SLC25A26: variants seen among roughly 807,000 people sequenced by gnomAD.
SLC25A26 encodes the protein solute carrier family 25 member 26.
SLC25A26 carries 36 observed loss-of-function variants against 37.8 expected under a neutral mutation model. The ratio of observed to expected loss-of-function variants is 0.95; its 90% CI spans 0.73 to 1.26. The LOEUF is 1.26. Among genes scored for constraint, SLC25A26 ranks in the 50% most tolerant of loss-of-function variants. The pLI is 0.00. For missense variants in SLC25A26, 390 were observed against 331.1 expected, an observed-to-expected ratio of 1.18 and a Z score of -1.38; for synonymous variants, 129 against 122.5, an observed-to-expected ratio of 1.05 and a Z score of -0.35.
intron 5 of SLC25A26, among the ~76,000 whole-genome samples, chr3:66,338,402 A>G (rs1218900998): frequency 6.6e-6 from 1 of 151,974 alleles, no homozygotes; most frequent in Non-Finnish European, 1.5e-5. Context: ...CCCACTAGCA[A>G]AGTATGAAAG....
chr3:66,148,935 AT>A (rs1441076487), intron 1 of SLC25A26, among the ~76,000 whole-genome samples: 1 of 152,162 alleles, frequency 6.6e-6, no homozygotes, highest in African/African-American at 2.4e-5. Flanking sequence ...CTTAACAATC[AT>A]TTGTCAAGGA....
chr3:66,256,172 T>A (rs2073293931), intron 3 of SLC25A26, among the ~76,000 whole-genome samples: 1 of 152,146 alleles, frequency 6.6e-6, no homozygotes, highest in African/African-American at 2.4e-5. Context: ...TTTTCTTATT[T>A]ATTTATTTTC....
At chr3:66,321,371 C>T (rs1442243833) in intron 5 of SLC25A26, among the ~76,000 whole-genome samples, 2 of 152,148 alleles carry the variant, frequency 1.3e-5, no homozygotes, top group African/African-American at 4.8e-5. Flanking sequence ...AGTGTTATCC[C>T]TTCTGGAAAG....
chr3:66,240,198 C>T (rs1336863068), intron 2 of SLC25A26, among the ~76,000 whole-genome samples: 2 of 152,200 alleles, frequency 1.3e-5, no homozygotes, highest in South Asian at 2.1e-4. Context: ...AACACCTGAA[C>T]TCACTATAAT....
chr3:66,280,727 C>T (rs1451921439), intron 5 of SLC25A26, among the ~76,000 whole-genome samples: 3 of 151,936 alleles, frequency 2.0e-5, no homozygotes, highest in Non-Finnish European at 4.4e-5. Context: ...AAAGGTAAAA[C>T]GTGTATTTTT....
intron 5 of SLC25A26, among the ~76,000 whole-genome samples, chr3:66,341,741 C>A (rs776288127): frequency 6.6e-6 from 1 of 152,132 alleles, no homozygotes; most frequent in Admixed American, 6.5e-5. Flanking sequence ...AATTCACTTT[C>A]AATTTTCCTC....
chr3:66,377,968 G>T lies in SLC25A26; in HGVS notation c.*161G>T. ...TGCCATCCGTGGTATAGGCTGGCTG[G>T]TATGAAGTCATTGGCCTGTATGCCA... On this transcript the variant is annotated 3_prime_UTR_variant, in exon 10 of 10. Transcript: ENST00000354883. 1.7e-6 allele frequency: 1 copy of T among 599,868 alleles called. No individual in the cohort carries two copies. The highest frequency in any genetic ancestry group is 2.9e-6 in the Non-Finnish European group (1 of 340,026). The allele number at this position is 599,868 out of a possible 1,614,324, so 37.2% of individuals were successfully genotyped here.
intron 1 of SLC25A26, among the ~76,000 whole-genome samples, chr3:66,189,673 T>C (rs1045061934): frequency 0.22 from 34,018 of 152,080 alleles, 4,463 homozygotes; most frequent in South Asian, 0.36. Flanking sequence ...CTTTTCTCTT[T>C]TCTTTTCAGA....
chr3:66,240,306 CT>C (rs1438268465), intron 2 of SLC25A26, among the ~76,000 whole-genome samples: 16 of 152,072 alleles, frequency 1.1e-4, no homozygotes, highest in Admixed American at 3.3e-4. Flanking sequence ...TTTTTTCCCC[CT>C]GAGACCAGGT....
chr3:66,137,256 T>A (rs987053893), intron 1 of SLC25A26, among the ~76,000 whole-genome samples: 1 of 150,370 alleles, frequency 6.7e-6, no homozygotes, highest in African/African-American at 2.5e-5. Flanking sequence ...GTTTTGCTCT[T>A]GTCGCCCGAG....
At chr3:66,258,784 G>C (rs997838646) in intron 3 of SLC25A26, among the ~76,000 whole-genome samples, 2 of 151,744 alleles carry the variant, frequency 1.3e-5, no homozygotes, top group African/African-American at 2.4e-5. Context: ...CAGGAGTTCA[G>C]GGCTAGCCTG....
intron 2 of SLC25A26, among the ~76,000 whole-genome samples, chr3:66,238,935 C>T (rs573468025): frequency 6.6e-6 from 1 of 152,114 alleles, no homozygotes. Flanking sequence ...GTTTCTGTCT[C>T]ACCTTTTTGC....
At chr3:66,269,292 C>T (rs1228486327) in intron 5 of SLC25A26, among the ~76,000 whole-genome samples, 1 of 152,152 alleles carries the variant, frequency 6.6e-6, no homozygotes, top group Non-Finnish European at 1.5e-5. Flanking sequence ...TGCATTCAGA[C>T]ATGTTGATGA....
At chr3:66,210,872 C>A (rs1047423452) in intron 1 of SLC25A26, among the ~76,000 whole-genome samples, 1 of 152,252 alleles carries the variant, frequency 6.6e-6, no homozygotes, top group African/African-American at 2.4e-5. Flanking sequence ...AGCAAGGAGA[C>A]GTGACTGGCG....
rs539207365 is a variant in SLC25A26, at chr3:66,182,716, CGGGG to C, written c.-353-38017_-353-38014del. Among the ~76,000 whole-genome samples the C allele has an allele frequency of 1.3e-3, 111 of 87,590 alleles. 5 individuals are homozygous for C. The East Asian group carries it at 0.029, about 23-fold the overall frequency. The allele number at this position is 87,590 out of a possible 152,430, so 57.5% of individuals were successfully genotyped here. ...ATCGGCCTCAACCTGCAGTGGGCGG[CGGGG>C]GGGGGGGGTGGGGTATCAGTAGAAA... On this transcript the variant is annotated intron_variant, in intron 1 of 10. Transcript: ENST00000676754.
intron 6 of SLC25A26, among the ~76,000 whole-genome samples, chr3:66,358,243 T>C (rs2107790003): frequency 6.6e-6 from 1 of 152,358 alleles, no homozygotes; most frequent in Non-Finnish European, 1.5e-5. Context: ...TATGTATTTT[T>C]TACGAGTCAC....
At chr3:66,282,390 C>A (rs1559652765) in intron 5 of SLC25A26, among the ~76,000 whole-genome samples, 2 of 152,176 alleles carry the variant, frequency 1.3e-5, no homozygotes, top group African/African-American at 4.8e-5. Flanking sequence ...AAGGGAGTCG[C>A]CCACCTTGGC....
chr3:66,227,866 A>G (rs951934803), intron 1 of SLC25A26, among the ~76,000 whole-genome samples: 12 of 152,168 alleles, frequency 7.9e-5, no homozygotes, highest in African/African-American at 2.9e-4. Flanking sequence ...GGTAATACGA[A>G]TGAAGTATTG....
chr3:66,191,173 A>T (rs1481121010), intron 1 of SLC25A26, among the ~76,000 whole-genome samples: 2 of 152,186 alleles, frequency 1.3e-5, no homozygotes, highest in Admixed American at 1.3e-4. Flanking sequence ...GACGAGTCTA[A>T]GCAGAAGTAC....
Sources: allele counts gnomAD v4.1 joint callset (sites outside exome capture counted in the v4.1 genomes callset), GRCh38; gene constraint gnomAD v4.1.1; transcripts MANE v1.5; gene names NCBI Gene and HGNC (gene_info 2026-07-23, HGNC 2026-07-21).